The following TBC1D5 variants were observed in gnomAD, a reference collection of about 807,000 sequenced individuals.
TBC1D5 encodes the protein TBC1 domain family, member 5.
A neutral mutation model predicts 100.3 loss-of-function variants in TBC1D5; 75 were observed. The ratio of observed to expected loss-of-function variants is 0.75; its 90% confidence interval spans 0.62 to 0.91. TBC1D5 has a LOEUF of 0.91. TBC1D5 is among the 40% of genes least tolerant of loss of function. TBC1D5 has a pLI of 0.00. For synonymous variants in TBC1D5, 323 were observed against 325.6 expected (o/e 0.99, Z 0.09); for missense variants, 910 against 942.4 (o/e 0.97, Z 0.45).
chr3:17,689,594 A>G (rs2070814686), intron 1 of TBC1D5, among the ~76,000 whole-genome samples: 1 of 152,098 alleles, frequency 6.6e-6, no homozygotes, highest in Non-Finnish European at 1.5e-5. Context: ...GTAATAAAAG[A>G]TAAATGTATA....
At chr3:17,681,252 T>C (rs2069425112) in intron 1 of TBC1D5, among the ~76,000 whole-genome samples, 1 of 151,644 alleles carries the variant, frequency 6.6e-6, no homozygotes, top group South Asian at 2.1e-4. Flanking sequence ...AAAGAAAAAG[T>C]TCTCATATTA....
At chr3:17,479,512 A>G (rs1044692935) in intron 3 of TBC1D5, among the ~76,000 whole-genome samples, 2 of 152,226 alleles carry the variant, frequency 1.3e-5, no homozygotes, top group Non-Finnish European at 2.9e-5. Flanking sequence ...TTTACTGAAA[A>G]CTATCTGATA....
At chr3:17,337,799 G>A (rs991536723) in intron 13 of TBC1D5, among the ~76,000 whole-genome samples, 2 of 152,034 alleles carry the variant, frequency 1.3e-5, no homozygotes, top group Non-Finnish European at 2.9e-5. Context: ...AACTGTTAAC[G>A]AGTACCAAAA....
chr3:17,461,235 T>G (rs910285662), intron 3 of TBC1D5, among the ~76,000 whole-genome samples: 1 of 152,212 alleles, frequency 6.6e-6, no homozygotes, highest in Non-Finnish European at 1.5e-5. Context: ...CATTTTCAGT[T>G]AATTGTTCAT....
intron 4 of TBC1D5, among the ~76,000 whole-genome samples, chr3:17,416,157 G>A (rs189119603): frequency 2.0e-5 from 3 of 152,236 alleles, no homozygotes; most frequent in Admixed American, 2.0e-4. Flanking sequence ...CTTTCTCTAA[G>A]AAATATTAAA....
intron 4 of TBC1D5, among the ~76,000 whole-genome samples, chr3:17,412,581 A>C (rs1011309104): frequency 2.6e-5 from 4 of 152,166 alleles, no homozygotes; most frequent in African/African-American, 7.2e-5. Context: ...ATTTAAAAAA[A>C]AGTAGTTGCT....
At position 17,379,640 on chromosome 3, in the gene TBC1D5, C is replaced by T. The variant is rs143348265; in HGVS notation, c.613-3027G>A. ...AGCACAGAAATGACTATACAATAGT[C>T]CCTCATTATGTGCAGGAGATATATT... On this transcript the variant is annotated intron_variant, in intron 9 of 21. Transcript: ENST00000253692. Among the ~76,000 whole-genome samples, 643 of 152,034 alleles carry T rather than the reference C, an allele frequency of 4.2e-3. 3 individuals carry two copies. Among genetic ancestry groups the T allele is most frequent in the African/African-American group, 0.015 (607 of 41,478 alleles).
In TBC1D5 at chr3:17,167,750, T is replaced by G. The variant is rs201912254; in HGVS notation, c.1931A>C (p.Gln644Pro). The stretch of plus-strand genomic sequence containing the variant: ...ATAGTGTCAGAGCAATGCACATACC[T>G]GTTTTAATCCTGCCAGGGAAACCAG... The change falls in exon 20 of 22, where the codon CAG becomes CCG. Residue 644 changes from glutamine (Q) to proline (P), a missense_variant and splice_region_variant. By Grantham distance (76) the Gln-to-Pro change is moderately conservative. Transcript: ENST00000253692. 8.1e-6 allele frequency: 13 copies of G among 1,613,810 alleles called. No homozygotes were observed. The highest frequency in any genetic ancestry group is 1.3e-5 in the African/African-American group (1 of 74,934).
At chr3:17,312,763 T>C (rs1387672957) in intron 13 of TBC1D5, among the ~76,000 whole-genome samples, 1 of 152,216 alleles carries the variant, frequency 6.6e-6, no homozygotes, top group Non-Finnish European at 1.5e-5. Flanking sequence ...GGCAAGTGTT[T>C]GAAGCTGTTT....
chr3:17,615,055 T>C lies in TBC1D5; in HGVS notation c.-36+8794A>G, dbSNP rs375671153. ...TACCTCTTATTATTTTGAGATATGT[T>C]CCATCAATACCTAGTTTATTGAGAG... is the stretch of plus-strand genomic sequence containing the variant. On this transcript the variant is annotated intron_variant, in intron 2 of 21. Transcript: ENST00000253692. Among the ~76,000 whole-genome samples, 75 of 152,310 alleles carry C rather than the reference T, an allele frequency of 4.9e-4. No individual in the cohort carries two copies. The East Asian group carries it at 0.012, about 25-fold the overall frequency.
chr3:17,190,303 T>C (rs1028280455), intron 18 of TBC1D5, among the ~76,000 whole-genome samples: 1 of 152,170 alleles, frequency 6.6e-6, no homozygotes, highest in Non-Finnish European at 1.5e-5. Context: ...ATAAGTTCTG[T>C]AGAAGAGACG....
At chr3:17,716,322 G>A (rs557234095) in intron 1 of TBC1D5, among the ~76,000 whole-genome samples, 1 of 151,750 alleles carries the variant, frequency 6.6e-6, no homozygotes, top group South Asian at 2.1e-4. Context: ...TGCAATATTT[G>A]TCTGAATTCA....
intron 18 of TBC1D5, among the ~76,000 whole-genome samples, chr3:17,200,022 A>C (rs2071262714): frequency 6.6e-6 from 1 of 151,532 alleles, no homozygotes; most frequent in African/African-American, 2.4e-5. Flanking sequence ...TGAGCTAGAG[A>C]GGGGAAAGGA....
chr3:17,645,931 C>A (rs1486815515), intron 1 of TBC1D5, among the ~76,000 whole-genome samples: 4 of 152,136 alleles, frequency 2.6e-5, no homozygotes, highest in Non-Finnish European at 1.5e-5. Context: ...TGATTCAAAG[C>A]ATCAAATCCT....
chr3:17,614,447 G>A lies in TBC1D5; in HGVS notation c.-36+9402C>T, dbSNP rs372706597. Among the ~76,000 whole-genome samples the A allele has an allele frequency of 1.5e-4, 23 of 152,262 alleles. No individual in the cohort carries two copies. In the East Asian group the frequency reaches 2.3e-3, roughly 15 times the overall value. On this transcript the variant is annotated intron_variant, in intron 2 of 21. Transcript: ENST00000253692. ...AGAAAGTCATTGGTAGCTTGATGGC[G>A]ATGGTATTGAATCTATAAATTACCC...
At chr3:17,540,903 CTCAAAAAAAAA>C (rs1560119019) in intron 2 of TBC1D5, among the ~76,000 whole-genome samples, 1 of 66,674 alleles carries the variant, frequency 1.5e-5, no homozygotes, top group East Asian at 4.9e-4. Context: ...GAGGCTCCAT[CTCAAAAAAAAA>C]AAAAAAAAAA....
intron 3 of TBC1D5, among the ~76,000 whole-genome samples, chr3:17,452,712 A>G (rs1193611454): frequency 6.6e-6 from 1 of 152,172 alleles, no homozygotes; most frequent in African/African-American, 2.4e-5. Flanking sequence ...ACACAATAAT[A>G]GCTAGAGAAT....
intron 15 of TBC1D5, among the ~76,000 whole-genome samples, chr3:17,282,945 T>C (rs573891076): frequency 1.8e-4 from 28 of 152,376 alleles, no homozygotes; most frequent in African/African-American, 5.8e-4. Flanking sequence ...AAGGGCGATA[T>C]AGTCATTCTT....
At chr3:17,346,552 G>A (rs1388657102) in intron 13 of TBC1D5, among the ~76,000 whole-genome samples, 2 of 151,932 alleles carry the variant, frequency 1.3e-5, no homozygotes, top group African/African-American at 2.4e-5. Context: ...AATTGATAAT[G>A]GTTTCCCATG....
Sources: allele counts gnomAD v4.1 joint callset (sites outside exome capture counted in the v4.1 genomes callset), GRCh38; gene constraint gnomAD v4.1.1; transcripts MANE v1.5; gene names NCBI Gene and HGNC (gene_info 2026-07-23, HGNC 2026-07-21).